HTR2C: variants seen among roughly 807,000 people sequenced by gnomAD.
HTR2C encodes 5-hydroxytryptamine (serotonin) receptor 2C, G protein-coupled.
A neutral mutation model predicts 21.0 loss-of-function variants in HTR2C; 5 were observed. The ratio of observed to expected loss-of-function variants is 0.24; its 90% CI spans 0.12 to 0.50. The LOEUF (loss-of-function observed/expected upper bound fraction) is 0.50. HTR2C is among the 20% of genes least tolerant of loss of function. HTR2C has a pLI of 0.98. For missense variants in HTR2C, 271 were observed against 371.2 expected, an observed-to-expected ratio of 0.73 and a Z score of 2.22; for synonymous variants, 150 against 145.3, an observed-to-expected ratio of 1.03 and a Z score of -0.23.
At chrX:114,718,880 T>C (rs1325648852) in intron 2 of HTR2C, among the ~76,000 whole-genome samples, 1 of 104,710 alleles carries the variant, frequency 9.6e-6, no homozygotes, top group East Asian at 2.9e-4. Flanking sequence ...ACACAAATGT[T>C]ATATAAGTTG....
intron 2 of HTR2C, among the ~76,000 whole-genome samples, chrX:114,660,484 A>G (rs1177231888): frequency 4.5e-5 from 5 of 112,184 alleles, no homozygotes; most frequent in African/African-American, 1.6e-4. Context: ...ATTAGAACAC[A>G]ACACAACCAT....
intron 5 of HTR2C, among the ~76,000 whole-genome samples, chrX:114,901,494 A>C (rs2071337119): frequency 1.8e-5 from 2 of 111,895 alleles, no homozygotes; most frequent in African/African-American, 3.2e-5. Context: ...GTAACGTTAT[A>C]TTTTGAATAA....
chrX:114,734,980 G>A (rs1393747089), intron 4 of HTR2C, among the ~76,000 whole-genome samples: 1 of 111,211 alleles, frequency 9.0e-6, no homozygotes, highest in Non-Finnish European at 1.9e-5. Context: ...TAAAATTCAG[G>A]GAATTATGTA....
At chrX:114,782,744 G>A (rs1057143683) in intron 4 of HTR2C, among the ~76,000 whole-genome samples, 6 of 110,848 alleles carry the variant, frequency 5.4e-5, no homozygotes, top group African/African-American at 1.6e-4. Flanking sequence ...AAATAGTGTC[G>A]TAAGTGAGTA....
chrX:114,662,165 C>T (rs1187384055), intron 2 of HTR2C, among the ~76,000 whole-genome samples: 3 of 111,425 alleles, frequency 2.7e-5, no homozygotes, highest in Non-Finnish European at 5.7e-5. Flanking sequence ...AATAACCAAT[C>T]GCTTAAGTAC....
chrX:114,741,246 C>T (rs1296238235), intron 4 of HTR2C, among the ~76,000 whole-genome samples: 7 of 108,874 alleles, frequency 6.4e-5, no homozygotes, highest in African/African-American at 2.3e-4. Context: ...GAGGGCCGGG[C>T]ACGGTGGCTC....
intron 4 of HTR2C, among the ~76,000 whole-genome samples, chrX:114,770,010 T>C (rs1260764082): frequency 3.6e-5 from 4 of 111,917 alleles, no homozygotes; most frequent in Non-Finnish European, 7.5e-5. Flanking sequence ...GACAGTATTT[T>C]TCTATCAGCC....
At chrX:114,709,092 C>A (rs1932853781) in intron 2 of HTR2C, among the ~76,000 whole-genome samples, 1 of 111,919 alleles carries the variant, frequency 8.9e-6, no homozygotes, top group Admixed American at 9.5e-5. Context: ...TAAATGTATT[C>A]TTCCACCTTT....
chrX:114,903,080 GTC>G (rs2071347991), intron 5 of HTR2C, among the ~76,000 whole-genome samples: 1 of 111,881 alleles, frequency 8.9e-6, no homozygotes, highest in Non-Finnish European at 1.9e-5. Context: ...CTTTCTAACA[GTC>G]TCAGACACCC....
At chrX:114,649,509 G>C (rs986402197) in intron 2 of HTR2C, among the ~76,000 whole-genome samples, 13 of 112,355 alleles carry the variant, frequency 1.2e-4, no homozygotes, top group African/African-American at 4.2e-4. Flanking sequence ...ACACCAGCAA[G>C]GCTTTTAGCC....
At chrX:114,698,700 C>T (rs1457232671) in intron 2 of HTR2C, among the ~76,000 whole-genome samples, 2 of 111,863 alleles carry the variant, frequency 1.8e-5, no homozygotes, top group Non-Finnish European at 3.8e-5. Context: ...TTTTGATGTT[C>T]TACAAAACTG....
chrX:114,722,699 A>G (rs1445862221), intron 2 of HTR2C, among the ~76,000 whole-genome samples: 4 of 103,984 alleles, frequency 3.8e-5, no homozygotes, highest in Non-Finnish European at 5.9e-5. Context: ...ATCAATACCT[A>G]ATTTATTGTG....
At chrX:114,871,314 GT>G (rs1406643181) in intron 5 of HTR2C, among the ~76,000 whole-genome samples, 1 of 111,806 alleles carries the variant, frequency 8.9e-6, no homozygotes, top group Non-Finnish European at 1.9e-5. Flanking sequence ...TTTTTTGAAT[GT>G]TTTAAGACTT....
intron 2 of HTR2C, among the ~76,000 whole-genome samples, chrX:114,614,368 C>A (rs1187096751): frequency 9.1e-6 from 1 of 110,278 alleles, no homozygotes; most frequent in Non-Finnish European, 1.9e-5. Flanking sequence ...TCAAGTGATT[C>A]TCCTGCCTCA....
rs188509406 is a variant in HTR2C, at chrX:114,908,386, G to A, written c.*971G>A. Reference sequence around the variant, plus strand: ...TTAATTATGGTACCTCTGTCTATAGGACTTAATTTAGCAGTCCATTTTTGA... The same window carrying A: ...TTAATTATGGTACCTCTGTCTATAGAACTTAATTTAGCAGTCCATTTTTGA... On this transcript the variant is annotated 3_prime_UTR_variant, in exon 6 of 6. Transcript: ENST00000276198. 8 of 111,555 alleles carry A rather than the reference G, an allele frequency of 7.2e-5. No individual in the cohort carries two copies. The highest frequency in any genetic ancestry group is 1.5e-4 in the Non-Finnish European group (8 of 53,024). 9.2% of individuals were successfully genotyped at this position (111,555 alleles called of 1,213,427 possible).
chrX:114,756,997 A>G (rs1556430416), intron 4 of HTR2C, among the ~76,000 whole-genome samples: 1 of 111,537 alleles, frequency 9.0e-6, no homozygotes, highest in African/African-American at 3.3e-5. Flanking sequence ...TGGAACTTCC[A>G]TCTCTCAGGA....
intron 1 of HTR2C, among the ~76,000 whole-genome samples, chrX:114,599,522 C>A (rs1927999989): frequency 9.0e-6 from 1 of 111,507 alleles, no homozygotes; most frequent in African/African-American, 3.3e-5. Context: ...ATAAGGAAAC[C>A]AGTGACCTTC....
chrX:114,667,603 C>T (rs1931225144), intron 2 of HTR2C, among the ~76,000 whole-genome samples: 1 of 111,358 alleles, frequency 9.0e-6, no homozygotes, highest in South Asian at 3.8e-4. Flanking sequence ...AATGTTTAAG[C>T]GATTTATGAC....
At chrX:114,817,354 A>G (rs2070595022) in intron 4 of HTR2C, among the ~76,000 whole-genome samples, 1 of 111,906 alleles carries the variant, frequency 8.9e-6, no homozygotes, top group South Asian at 3.7e-4. Flanking sequence ...AGATTATAGA[A>G]GTATAAAATG....
Sources: allele counts gnomAD v4.1 joint callset (sites outside exome capture counted in the v4.1 genomes callset), GRCh38; gene constraint gnomAD v4.1.1; transcripts MANE v1.5; gene names NCBI Gene and HGNC (gene_info 2026-07-23, HGNC 2026-07-21).